EPHA6: variants seen among roughly 807,000 people sequenced by gnomAD.
EPHA6 encodes ephrin type-A receptor 6.
EPHA6 carries 50 observed loss-of-function variants against 112.0 expected under a neutral mutation model. That is an observed-to-expected ratio of 0.45 (90% CI 0.36 to 0.56). EPHA6 has a LOEUF of 0.56. Among genes scored for constraint, EPHA6 ranks in the 20% least tolerant of loss-of-function variants. The probability of loss-of-function intolerance (pLI) is 0.00; values close to 1 mark genes in which losing one functional copy is unlikely to be tolerated. For synonymous variants in EPHA6, 529 were observed against 490.7 expected, an observed-to-expected ratio of 1.08 and a Z score of -1.03; for missense variants, 1,280 against 1,417.4, an observed-to-expected ratio of 0.90 and a Z score of 1.56.
intron 2 of EPHA6, among the ~76,000 whole-genome samples, chr3:96,974,370 T>C (rs911480907): frequency 3.3e-5 from 5 of 150,564 alleles, no homozygotes; most frequent in Middle Eastern, 3.5e-3. Context: ...AAATTATATA[T>C]GTCATTATAA....
chr3:97,542,591 A>C (rs2092877256), intron 11 of EPHA6, among the ~76,000 whole-genome samples: 2 of 152,268 alleles, frequency 1.3e-5, no homozygotes, highest in South Asian at 4.1e-4. Context: ...ATGATTTATA[A>C]TCCTTTGGGT....
intron 14 of EPHA6, among the ~76,000 whole-genome samples, chr3:97,700,350 G>A (rs1271947018): frequency 6.6e-6 from 1 of 152,166 alleles, no homozygotes; most frequent in East Asian, 1.9e-4. Flanking sequence ...CTCCTTCGAT[G>A]ACCATGTGGG....
intron 7 of EPHA6, among the ~76,000 whole-genome samples, chr3:97,450,789 G>A (rs1012259649): frequency 1.3e-5 from 2 of 151,944 alleles, no homozygotes; most frequent in African/African-American, 4.8e-5. Flanking sequence ...AGAGCTAATA[G>A]CCTATGCCTT....
At chr3:97,159,219 G>A (rs141890953) in intron 3 of EPHA6, among the ~76,000 whole-genome samples, 1 of 152,068 alleles carries the variant, frequency 6.6e-6, no homozygotes, top group Admixed American at 6.6e-5. Context: ...TACCTTCATT[G>A]TGGAGTCGTG....
intron 5 of EPHA6, among the ~76,000 whole-genome samples, chr3:97,312,332 T>A (rs887501961): frequency 6.6e-6 from 1 of 151,618 alleles, no homozygotes; most frequent in Admixed American, 6.6e-5. Context: ...GTAGTGATAG[T>A]GGACATCCAT....
intron 5 of EPHA6, among the ~76,000 whole-genome samples, chr3:97,291,153 G>A (rs548490120): frequency 9.7e-4 from 147 of 152,132 alleles, no homozygotes; most frequent in African/African-American, 3.5e-3. Flanking sequence ...TTGGGAGCAT[G>A]TTGTTTAATT....
chr3:97,639,073 T>A (rs2093978857), intron 14 of EPHA6, among the ~76,000 whole-genome samples: 1 of 152,094 alleles, frequency 6.6e-6, no homozygotes, highest in South Asian at 2.1e-4. Context: ...CTATATTTGC[T>A]TTGTAGAAAT....
intron 12 of EPHA6, among the ~76,000 whole-genome samples, chr3:97,607,963 A>T (rs572418437): frequency 1.3e-5 from 2 of 151,252 alleles, no homozygotes; most frequent in African/African-American, 4.8e-5. Flanking sequence ...TTTCCCCTGT[A>T]CTTATCTATT....
At chr3:96,905,706 AG>A in intron 2 of EPHA6, among the ~76,000 whole-genome samples, 1 of 151,404 alleles carries the variant, frequency 6.6e-6, no homozygotes, top group Admixed American at 6.6e-5. Context: ...TATTCTCATT[AG>A]GTTTTTTTTT....
intron 5 of EPHA6, among the ~76,000 whole-genome samples, chr3:97,275,043 T>A (rs767824097): frequency 2.6e-5 from 4 of 152,160 alleles, no homozygotes; most frequent in Non-Finnish European, 5.9e-5. Context: ...TCTAAAAGTA[T>A]TAAAGCACCG....
At chr3:97,323,015 C>T (rs149054567) in intron 5 of EPHA6, among the ~76,000 whole-genome samples, 1 of 152,044 alleles carries the variant, frequency 6.6e-6, no homozygotes, top group East Asian at 1.9e-4. Context: ...AGGTGGATGA[C>T]AAAGAAAATT....
chr3:97,104,901 C>T (rs2047518958), intron 3 of EPHA6, among the ~76,000 whole-genome samples: 1 of 151,868 alleles, frequency 6.6e-6, no homozygotes. Context: ...ATTCATCTGT[C>T]TCATCTAGGT....
intron 3 of EPHA6, among the ~76,000 whole-genome samples, chr3:97,205,910 A>G (rs1285483352): frequency 6.6e-6 from 1 of 152,028 alleles, no homozygotes; most frequent in African/African-American, 2.4e-5. Context: ...TCTTGTCTCC[A>G]TTTTACAAAA....
At chr3:97,552,375 T>C (rs1365925587) in intron 11 of EPHA6, among the ~76,000 whole-genome samples, 3 of 152,118 alleles carry the variant, frequency 2.0e-5, no homozygotes, top group South Asian at 2.1e-4. Context: ...AATTAAGAAA[T>C]TGAGAACTAG....
chr3:97,348,229 T>C (rs980134332), intron 5 of EPHA6, among the ~76,000 whole-genome samples: 1 of 152,102 alleles, frequency 6.6e-6, no homozygotes, highest in Non-Finnish European at 1.5e-5. Context: ...TCTTGACAAA[T>C]ATAAATCCAG....
intron 13 of EPHA6, among the ~76,000 whole-genome samples, chr3:97,620,577 A>G (rs1051568833): frequency 2.6e-5 from 4 of 152,084 alleles, no homozygotes; most frequent in Non-Finnish European, 4.4e-5. Flanking sequence ...ACAAGAAAAA[A>G]GCAAACAACC....
intron 2 of EPHA6, among the ~76,000 whole-genome samples, chr3:96,937,097 C>T (rs112751080): frequency 3.3e-5 from 5 of 152,042 alleles, no homozygotes; most frequent in Admixed American, 1.3e-4. Flanking sequence ...TATAGCAGCA[C>T]GATTTATAAT....
intron 3 of EPHA6, among the ~76,000 whole-genome samples, chr3:97,179,041 C>T (rs937986990): frequency 6.6e-6 from 1 of 151,880 alleles, no homozygotes; most frequent in Non-Finnish European, 1.5e-5. Flanking sequence ...TGTAGATGGT[C>T]TTCATGGTTT....
intron 5 of EPHA6, among the ~76,000 whole-genome samples, chr3:97,280,481 C>A (rs916583504): frequency 8.5e-5 from 13 of 152,118 alleles, no homozygotes; most frequent in African/African-American, 2.7e-4. Context: ...AATTGTGTCT[C>A]AGCCTTTACT....
Sources: allele counts gnomAD v4.1 joint callset (sites outside exome capture counted in the v4.1 genomes callset), GRCh38; gene constraint gnomAD v4.1.1; transcripts MANE v1.5; gene names NCBI Gene and HGNC (gene_info 2026-07-23, HGNC 2026-07-21).